FGD4: variants seen among roughly 807,000 people sequenced by gnomAD.
FGD4 encodes FYVE, RhoGEF and PH domain-containing protein 4.
Under a neutral mutation model 102.0 loss-of-function variants are expected in FGD4, and 42 were observed. That is an observed-to-expected ratio of 0.41 (90% CI 0.32 to 0.53). The LOEUF (loss-of-function observed/expected upper bound fraction) is 0.53. Ranked by LOEUF, FGD4 falls within the 20% of genes least tolerant of loss-of-function variation. FGD4 has a pLI of 0.21. For synonymous variants in FGD4, 380 were observed against 375.7 expected, an observed-to-expected ratio of 1.01 and a Z score of -0.13; for missense variants, 902 against 1,078.2, an observed-to-expected ratio of 0.84 and a Z score of 2.29.
chr12:32,612,496 C>G (rs1949204956), intron 10 of FGD4, among the ~76,000 whole-genome samples: 1 of 152,196 alleles, frequency 6.6e-6, no homozygotes, highest in Admixed American at 6.5e-5. Context: ...AAGCAACACC[C>G]CAAGGATCCT....
At chr12:32,566,524 T>TA (rs1260002801) in intron 2 of FGD4, among the ~76,000 whole-genome samples, 1 of 152,176 alleles carries the variant, frequency 6.6e-6, no homozygotes, top group Non-Finnish European at 1.5e-5. Context: ...AACACTGCTA[T>TA]ATTGCTGCAT....
intron 1 of FGD4, among the ~76,000 whole-genome samples, chr12:32,562,629 G>A (rs575887500): frequency 2.5e-4 from 38 of 152,150 alleles, no homozygotes; most frequent in Non-Finnish European, 4.4e-4. Context: ...CGAGCATGCT[G>A]CCTTCAAGCT....
intron 2 of FGD4, among the ~76,000 whole-genome samples, chr12:32,565,812 G>C (rs931831871): frequency 1.3e-5 from 2 of 152,062 alleles, no homozygotes; most frequent in African/African-American, 2.4e-5. Context: ...TTAAATATGG[G>C]CTAATTATGT....
intron 1 of FGD4, among the ~76,000 whole-genome samples, chr12:32,472,692 C>T (rs1170780745): frequency 6.6e-6 from 1 of 152,260 alleles, no homozygotes; most frequent in Non-Finnish European, 1.5e-5. Flanking sequence ...GGGCGCAGGA[C>T]TGGCAGGCAG....
intron 1 of FGD4, among the ~76,000 whole-genome samples, chr12:32,407,195 G>T (rs1447107699): frequency 7.3e-6 from 1 of 137,668 alleles, no homozygotes; most frequent in Non-Finnish European, 1.5e-5. Flanking sequence ...GCACGATCTC[G>T]GCTCACTGCA....
chr12:32,498,188 G>A (rs1271820148), intron 1 of FGD4, among the ~76,000 whole-genome samples: 1 of 152,196 alleles, frequency 6.6e-6, no homozygotes, highest in Admixed American at 6.5e-5. Flanking sequence ...GGCGCTTTGG[G>A]TATCACTGCC....
chr12:32,598,485 T>C lies in FGD4; in HGVS notation c.1012-12T>C, dbSNP rs1169043769. The C allele has an allele frequency of 1.3e-6, 2 of 1,592,044 alleles. No individual in the cohort carries two copies. Among genetic ancestry groups the C allele is most frequent in the Admixed American group, 3.4e-5 (2 of 59,036 alleles). ...ATCTTTCCTAATGTGTGAATATCTT[T>C]CCAATTTTTAGGAGACTAATGAGCA... On this transcript the variant is annotated splice_polypyrimidine_tract_variant and intron_variant, in intron 4 of 16. Coordinates refer to ENST00000534526, the MANE Select transcript of FGD4 (RefSeq NM_001370298.3).
intron 1 of FGD4, chr12:32,512,030 C>A (rs975412229): frequency 9.2e-5 from 14 of 152,058 alleles, no homozygotes; most frequent in African/African-American, 3.4e-4. Context: ...TATTGCTTTT[C>A]TTTGAATTAT....
chr12:32,461,555 G>A (rs1207899969), intron 1 of FGD4, among the ~76,000 whole-genome samples: 2 of 152,052 alleles, frequency 1.3e-5, no homozygotes, highest in Non-Finnish European at 2.9e-5. Flanking sequence ...TTGAATCCAC[G>A]TATTTGCACA....
chr12:32,574,790 A>G (rs1199020632), intron 2 of FGD4: 1 of 152,178 alleles, frequency 6.6e-6, no homozygotes, highest in Non-Finnish European at 1.5e-5. Context: ...TGAGATCACT[A>G]AAAACCAGGG....
intron 1 of FGD4, among the ~76,000 whole-genome samples, chr12:32,428,121 A>C (rs963891640): frequency 1.3e-5 from 2 of 151,982 alleles, no homozygotes; most frequent in African/African-American, 4.8e-5. Context: ...CTGGCTGGTT[A>C]TTTTGCCCAT....
intron 16 of FGD4, among the ~76,000 whole-genome samples, chr12:32,639,520 G>T (rs529120009): frequency 6.6e-6 from 1 of 152,208 alleles, no homozygotes; most frequent in South Asian, 2.1e-4. Flanking sequence ...ATCTGAAAAA[G>T]GAGTTTGAGA....
chr12:32,619,206 A>C (rs187214992), intron 10 of FGD4, among the ~76,000 whole-genome samples: 7 of 152,326 alleles, frequency 4.6e-5, no homozygotes, highest in Admixed American at 2.0e-4. Context: ...TATATTTTTC[A>C]AAATGTAGGA....
chr12:32,411,634 G>T (rs1254356654), intron 1 of FGD4, among the ~76,000 whole-genome samples: 1 of 152,054 alleles, frequency 6.6e-6, no homozygotes, highest in African/African-American at 2.4e-5. Flanking sequence ...ATACTGAGGG[G>T]TCATTGCTTA....
At chr12:32,547,492 G>A (rs1163626192) in intron 1 of FGD4, among the ~76,000 whole-genome samples, 1 of 152,144 alleles carries the variant, frequency 6.6e-6, no homozygotes, top group African/African-American at 2.4e-5. Flanking sequence ...TTAATCATCT[G>A]TATAATGGAC....
At chr12:32,501,961 T>C in intron 1 of FGD4, 1 of 918,564 alleles carries the variant, frequency 1.1e-6, no homozygotes. Context: ...CACTGGCTTG[T>C]TTAAATAGCC....
Position 32,640,524 on chromosome 12 carries a change from A to G in FGD4, c.2703A>G (p.Ser901=), listed in dbSNP as rs778743800. 3 of 1,613,930 alleles carry G rather than the reference A, an allele frequency of 1.9e-6. No homozygotes were observed. Among genetic ancestry groups the G allele is most frequent in the Non-Finnish European group, 2.5e-6 (3 of 1,180,042 alleles). ...LDDHPEPKKK[S]EC ...ATCATCCTGAACCTAAGAAAAAATC[A>G]GAATGCTGAACTCCTCCAGGACCAG... Residue 901 remains serine (S), a synonymous_variant, in exon 17 of 17, where the codon TCA becomes TCG. Coordinates refer to ENST00000534526, the MANE Select transcript of FGD4 (RefSeq NM_001370298.3).
At chr12:32,433,610 T>C (rs1169069778) in intron 1 of FGD4, among the ~76,000 whole-genome samples, 2 of 152,062 alleles carry the variant, frequency 1.3e-5, no homozygotes, top group African/African-American at 4.8e-5. Context: ...GTGCTGGGAT[T>C]ATAAGCATGA....
chr12:32,433,358 T>A (rs1942117384), intron 1 of FGD4, among the ~76,000 whole-genome samples: 1 of 152,074 alleles, frequency 6.6e-6, no homozygotes, highest in Admixed American at 6.6e-5. Flanking sequence ...TTTCTTTTTT[T>A]TTCTTTTTGA....
Sources: gnomAD v4.1 joint callset for allele counts (sites outside exome capture counted in the v4.1 genomes callset) on GRCh38, gnomAD v4.1.1 for gene constraint, MANE v1.5 for transcripts, NCBI Gene and HGNC (gene_info 2026-07-23, HGNC 2026-07-21) for gene names.